Variants in LASP1 observed in about 807,000 individuals in gnomAD.
LASP1 encodes the protein LIM and SH3 domain protein 1.
A neutral mutation model predicts 38.6 loss-of-function variants in LASP1; 10 were observed. The ratio of observed to expected loss-of-function variants is 0.26; its 90% confidence interval spans 0.16 to 0.44. The LOEUF is 0.44. Among genes scored for constraint, LASP1 ranks in the 20% least tolerant of loss-of-function variants. The pLI is 1.00. For missense variants in LASP1, 243 were observed against 375.7 expected (o/e 0.65, Z 2.92); for synonymous variants, 132 against 140.8 (o/e 0.94, Z 0.44).
chr17:38,888,541 G>T (rs758121752), intron 2 of LASP1, among the ~76,000 whole-genome samples: 5 of 152,212 alleles, frequency 3.3e-5, no homozygotes, highest in African/African-American at 4.8e-5. Flanking sequence ...GCCTCCCAAA[G>T]TGTTGGGATT....
At position 38,918,562 on chromosome 17, in the gene LASP1, A is replaced by G; in HGVS notation, c.613-43A>G. The G allele has an allele frequency of 6.5e-7, 1 of 1,531,844 alleles. No individual in the cohort carries two copies. Among genetic ancestry groups the G allele is most frequent in the East Asian group, 2.3e-5 (1 of 43,578 alleles). The allele number at this position is 1,531,844 out of a possible 1,614,324, so 94.9% of individuals were successfully genotyped here. On this transcript the variant is annotated intron_variant, in intron 6 of 6. Transcript: ENST00000318008. This position sits in a 1 kb window ranked among gnomAD's most constrained non-coding sequence, Gnocchi z 4.4. ...AGAAAAAAATGCTCAGACCCAGGTG[A>G]GCCGGCATGCAGGGCCCTAGGCTGA...
rs755146605 is a variant in LASP1 at position 38,870,267 on chromosome 17, G to A, written c.69+9G>A. Reference sequence around the variant, plus strand: ...TGAACTGTCTGGATAAGGTGAGCCCGGGACCGGGAGACGCGTCTTTGCAAT... The same window carrying A: ...TGAACTGTCTGGATAAGGTGAGCCCAGGACCGGGAGACGCGTCTTTGCAAT... On this transcript the variant is annotated intron_variant, in intron 1 of 6. Coordinates refer to ENST00000318008, the MANE Select transcript of LASP1 (RefSeq NM_006148.4). 1.2e-6 allele frequency: 2 copies of A among 1,613,328 alleles called. No homozygotes were observed. Among genetic ancestry groups the A allele is most frequent in the East Asian group, 2.2e-5 (1 of 44,784 alleles).
chr17:38,898,643 C>T, intron 4 of LASP1, 124 bp downstream of exon 4: 1 of 747,858 alleles, frequency 1.3e-6, no homozygotes, highest in South Asian at 1.5e-5. Context: ...CCCTGCCCTC[C>T]AGGGTGGGCC....
intron 1 of LASP1, among the ~76,000 whole-genome samples, chr17:38,876,488 G>A (rs930873292): frequency 6.6e-6 from 1 of 152,024 alleles, no homozygotes; most frequent in Non-Finnish European, 1.5e-5. Context: ...AGCCTCCCGA[G>A]TAGCTGGGAT....
chr17:38,887,335 G>A (rs973242564), intron 2 of LASP1, among the ~76,000 whole-genome samples: 2 of 152,118 alleles, frequency 1.3e-5, no homozygotes, highest in Non-Finnish European at 2.9e-5. Flanking sequence ...TCTCTGAAGC[G>A]CTCCCTCTTA....
At chr17:38,912,524 G>A (rs958433705) in intron 4 of LASP1, among the ~76,000 whole-genome samples, 8 of 152,204 alleles carry the variant, frequency 5.3e-5, no homozygotes, top group Admixed American at 4.6e-4. Context: ...AGCACAAGGA[G>A]TCACCCGTGA....
At position 38,920,036 on chromosome 17, in the gene LASP1, T is replaced by G. The variant is rs1915255003; in HGVS notation, c.*1258T>G. On this transcript the variant is annotated 3_prime_UTR_variant, in exon 7 of 7. Transcript: ENST00000318008. The stretch of plus-strand genomic sequence containing the variant: ...TCCTGGGGCAGAGAAGTTCCTTAGG[T>G]TTTCTTTGGAATGAAATTCCTCCTT... The G allele has an allele frequency of 1.9e-6, 1 of 535,962 alleles. No individual in the cohort carries two copies. The highest frequency in any genetic ancestry group is 3.9e-5 in the East Asian group (1 of 25,760). The allele number at this position is 535,962 out of a possible 1,614,324, so 33.2% of individuals were successfully genotyped here. A position where few individuals can be genotyped will look rare whatever the true frequency, so the allele number is the denominator to read the frequency against.
chr17:38,911,379 A>C (rs908656727), intron 4 of LASP1, among the ~76,000 whole-genome samples: 1 of 152,036 alleles, frequency 6.6e-6, no homozygotes, highest in African/African-American at 2.4e-5. Context: ...CCTCCCTACC[A>C]CCATGTGTCC....
chr17:38,886,521 C>T (rs1395468124), intron 2 of LASP1, among the ~76,000 whole-genome samples: 4 of 152,134 alleles, frequency 2.6e-5, no homozygotes, highest in Non-Finnish European at 5.9e-5. Flanking sequence ...CTGGCTCACC[C>T]CCACTTCCCT....
intron 6 of LASP1, 69 bp downstream of exon 6, chr17:38,915,215 C>T (rs766636924): frequency 1.6e-6 from 2 of 1,263,850 alleles, no homozygotes; most frequent in Admixed American, 1.8e-5. Context: ...GGACACAGCT[C>T]ATGGATTCTC....
At chr17:38,888,282 G>C (rs1391863875) in intron 2 of LASP1, among the ~76,000 whole-genome samples, 1 of 151,104 alleles carries the variant, frequency 6.6e-6, no homozygotes, top group Non-Finnish European at 1.5e-5. Context: ...TTCCTGGCGT[G>C]ACTTTTTTTT....
chr17:38,870,223 G>T lies in LASP1; in HGVS notation c.34G>T (p.Val12Leu), dbSNP rs767991655. The T allele has an allele frequency of 1.2e-6, 2 of 1,613,738 alleles. No homozygotes were observed. Among genetic ancestry groups the T allele is most frequent in the African/African-American group, 1.3e-5 (1 of 74,942 alleles). ...NPNCARCGKI[V>L]YPTEKVNCLD... ...CAACTGCGCCCGGTGCGGCAAGATC[G>T]TGTATCCCACGGAGAAGGTGAACTG... is the stretch of plus-strand genomic sequence containing the variant. The change falls in exon 1 of 7, where the codon GTG becomes TTG. Residue 12 changes from valine (V) to leucine (L), a missense_variant. Transcript: ENST00000318008.
chr17:38,905,530 C>CAA lies in LASP1; in HGVS notation c.357+7030_357+7031dup, dbSNP rs35515925. Among the ~76,000 whole-genome samples, 105 of 93,080 alleles carry CAA rather than the reference C, an allele frequency of 1.1e-3. 3 individuals are homozygous for CAA. The highest frequency in any genetic ancestry group is 3.0e-3 in the African/African-American group (70 of 23,680). The allele number at this position is 93,080 out of a possible 152,430, so 61.1% of individuals were successfully genotyped here. A position where few individuals can be genotyped will look rare whatever the true frequency, so the allele number is the denominator to read the frequency against. Reference sequence around the variant, plus strand: ...TGGGCGACAGAGTGAGACTCCATCTCAAAAAAAAAAAAAAAAAAAAGTGTG... The same window carrying CAA: ...TGGGCGACAGAGTGAGACTCCATCTCAAAAAAAAAAAAAAAAAAAAAAGTGTG... On this transcript the variant is annotated intron_variant, in intron 4 of 6. Transcript: ENST00000318008.
chr17:38,913,156 G>A (rs1442226358), intron 4 of LASP1, among the ~76,000 whole-genome samples: 1 of 152,230 alleles, frequency 6.6e-6, no homozygotes, highest in African/African-American at 2.4e-5. Context: ...AGACTCCTGG[G>A]TGGTGGTGGT....
chr17:38,883,143 A>G (rs890505823), intron 2 of LASP1, among the ~76,000 whole-genome samples: 3 of 152,060 alleles, frequency 2.0e-5, no homozygotes, highest in Non-Finnish European at 4.4e-5. Flanking sequence ...TATGCCTGTA[A>G]TCCCAGCACT....
intron 1 of LASP1, among the ~76,000 whole-genome samples, chr17:38,872,148 G>C (rs1352431): frequency 0.01 from 1,598 of 152,242 alleles, 9 homozygotes; most frequent in Non-Finnish European, 0.017. Context: ...ATGTCTCTAG[G>C]CCTCAGTATT....
At chr17:38,905,407 G>A (rs1914748968) in intron 4 of LASP1, among the ~76,000 whole-genome samples, 1 of 151,578 alleles carries the variant, frequency 6.6e-6, no homozygotes, top group Admixed American at 6.6e-5. Context: ...GCACTCGGTG[G>A]CGCAATCCCA....
At chr17:38,910,571 G>A (rs638366) in intron 4 of LASP1, among the ~76,000 whole-genome samples, 40,643 of 151,380 alleles carry the variant, frequency 0.27, 6,115 homozygotes, top group Middle Eastern at 0.48. Context: ...TAGACCACCC[G>A]TTCTCAGACT....
At chr17:38,915,183 AG>A (rs1180377778) in intron 6 of LASP1, 37 bp downstream of exon 6, 1 of 1,561,998 alleles carries the variant, frequency 6.4e-7, no homozygotes, top group Non-Finnish European at 8.8e-7. Flanking sequence ...GGCCAGAGGC[AG>A]GGGGTCCTTC....
Sources: allele counts gnomAD v4.1 joint callset (sites outside exome capture counted in the v4.1 genomes callset), GRCh38; gene constraint gnomAD v4.1.1; non-coding constraint Gnocchi (gnomAD v3.1); transcripts MANE v1.5; gene names NCBI Gene and HGNC (gene_info 2026-07-23, HGNC 2026-07-21).